The following EFCAB6 variants were observed in gnomAD, a reference collection of about 807,000 sequenced individuals.
EFCAB6 encodes the protein EF-hand calcium binding domain 6, also known as EF-hand calcium-binding domain-containing protein 6.
Under a neutral mutation model 169.8 loss-of-function variants are expected in EFCAB6, and 156 were observed. That is an observed-to-expected ratio of 0.92 (90% confidence interval 0.81 to 1.05). EFCAB6 has a LOEUF of 1.05. Ranked by LOEUF, EFCAB6 falls within the 50% of genes least tolerant of loss-of-function variation. The pLI is 0.00. For missense variants in EFCAB6, 1,800 were observed against 1,829.1 expected (o/e 0.98, Z 0.29); for synonymous variants, 698 against 676.4 (o/e 1.03, Z -0.50).
intron 8 of EFCAB6, among the ~76,000 whole-genome samples, chr22:43,717,482 C>T (rs2059374490): frequency 6.6e-6 from 1 of 151,590 alleles, no homozygotes; most frequent in Admixed American, 6.6e-5. Context: ...ATGAGTAGCT[C>T]TTATGAATCA....
intron 20 of EFCAB6, among the ~76,000 whole-genome samples, chr22:43,623,052 G>A (rs138456800): frequency 1.4e-4 from 22 of 152,194 alleles, no homozygotes; most frequent in Non-Finnish European, 2.8e-4. Flanking sequence ...GAAGAGGAAG[G>A]CATAGAGACA....
chr22:43,667,075 T>G, intron 17 of EFCAB6, 29 bp downstream of exon 17: 1 of 1,603,518 alleles, frequency 6.2e-7, no homozygotes, highest in Non-Finnish European at 8.5e-7. Context: ...TTCTGCAGGA[T>G]AGAAACAAAG....
At chr22:43,547,829 C>T (rs968215067) in intron 27 of EFCAB6, among the ~76,000 whole-genome samples, 9 of 151,608 alleles carry the variant, frequency 5.9e-5, no homozygotes, top group African/African-American at 1.5e-4. Flanking sequence ...TGGTGGCTCA[C>T]GCCTGTAATC....
chr22:43,681,848 T>C (rs1189907245), intron 12 of EFCAB6, among the ~76,000 whole-genome samples: 1 of 152,206 alleles, frequency 6.6e-6, no homozygotes, highest in East Asian at 1.9e-4. Context: ...AAATTCCTTC[T>C]GGATGACTGA....
intron 23 of EFCAB6, among the ~76,000 whole-genome samples, chr22:43,599,233 G>A (rs2052292435): frequency 6.6e-6 from 1 of 152,152 alleles, no homozygotes; most frequent in African/African-American, 2.4e-5. Context: ...TATTCCCTTT[G>A]TTGTCGTTGT....
At chr22:43,670,489 T>C (rs2057441094) in intron 15 of EFCAB6, among the ~76,000 whole-genome samples, 1 of 152,238 alleles carries the variant, frequency 6.6e-6, no homozygotes, top group Non-Finnish European at 1.5e-5. Context: ...CTGTTAGCAC[T>C]GGGGCTGACA....
At chr22:43,756,822 GC>G (rs2060973812) in intron 5 of EFCAB6, among the ~76,000 whole-genome samples, 1 of 152,212 alleles carries the variant, frequency 6.6e-6, no homozygotes, top group Non-Finnish European at 1.5e-5. Context: ...TTGGATAGAG[GC>G]CCACAAGGTG....
chr22:43,634,228 T>C (rs1330013543), intron 18 of EFCAB6, among the ~76,000 whole-genome samples: 1 of 152,226 alleles, frequency 6.6e-6, no homozygotes, highest in Non-Finnish European at 1.5e-5. Flanking sequence ...CTTCTCCTTC[T>C]TATTTTCCTT....
chr22:43,784,600 C>CACATATATATGTGTATATAT (rs2061978710), intron 2 of EFCAB6, among the ~76,000 whole-genome samples: 2 of 78,764 alleles, frequency 2.5e-5, no homozygotes. Flanking sequence ...TGTATATATA[C>CACATATATATGTGTATATAT]ACATATATAT....
intron 3 of EFCAB6, among the ~76,000 whole-genome samples, chr22:43,775,061 T>G (rs1246329217): frequency 6.6e-6 from 1 of 151,850 alleles, no homozygotes; most frequent in Non-Finnish European, 1.5e-5. Context: ...ACTAGCGTGA[T>G]GGTCACAGAG....
intron 6 of EFCAB6, among the ~76,000 whole-genome samples, chr22:43,742,082 T>C (rs2060394681): frequency 1.3e-5 from 2 of 152,110 alleles, no homozygotes; most frequent in African/African-American, 2.4e-5. Flanking sequence ...ATCTTGCCCC[T>C]AGTATCACCT....
chr22:43,641,620 A>AAAG (rs1003892695), intron 17 of EFCAB6, among the ~76,000 whole-genome samples: 1 of 151,630 alleles, frequency 6.6e-6, no homozygotes, highest in African/African-American at 2.4e-5. Context: ...CCATCTCAAA[A>AAAG]AAAAAAAAAA....
chr22:43,586,289 T>C (rs987199809), intron 24 of EFCAB6, among the ~76,000 whole-genome samples: 1 of 148,308 alleles, frequency 6.7e-6, no homozygotes, highest in Non-Finnish European at 1.5e-5. Context: ...TACTTAAAGG[T>C]GGGCTTAGGC....
At chr22:43,728,158 C>T (rs774869456) in intron 8 of EFCAB6, among the ~76,000 whole-genome samples, 1 of 151,948 alleles carries the variant, frequency 6.6e-6, no homozygotes, top group East Asian at 1.9e-4. Flanking sequence ...TGAGAACATG[C>T]GGTGTTTGGT....
chr22:43,744,599 G>A lies in EFCAB6; in HGVS notation c.508-8606C>T, dbSNP rs916714347. On this transcript the variant is annotated intron_variant, in intron 6 of 31. Transcript: ENST00000262726. The surrounding 1 kb of genome is among the most constrained non-coding windows in gnomAD (Gnocchi z 4.3). Reference sequence around the variant, plus strand: ...AAGGGGACCCAAGCAGCCAAAGGAAGTGAGCTGGACCACCAGGAGTGGGAG... The same window carrying A: ...AAGGGGACCCAAGCAGCCAAAGGAAATGAGCTGGACCACCAGGAGTGGGAG... Among the ~76,000 whole-genome samples the A allele has an allele frequency of 6.6e-5, 10 of 152,168 alleles. No homozygotes were observed. Among genetic ancestry groups the A allele is most frequent in the African/African-American group, 2.2e-4 (9 of 41,446 alleles).
Position 43,537,538 on chromosome 22 carries a change from G to T in EFCAB6, c.3887C>A (p.Ala1296Glu), listed in dbSNP as rs780944079. ...AGTGCCCGGGATCACGGTGGTGCTC[G>T]CTGGAGTCTAGCAGGGAAGAAAAGA... ...SKSQSHPCTP[A>E]STTVIPGTPP... The change falls in exon 29 of 32, where the codon GCG becomes GAG. Residue 1296 changes from alanine to glutamate, a missense_variant. Transcript: ENST00000262726. The surrounding 1 kb of genome is among the most constrained non-coding windows in gnomAD (Gnocchi z 4.3). The T allele has an allele frequency of 1.2e-6, 2 of 1,612,946 alleles. No individual in the cohort carries two copies. The highest frequency in any genetic ancestry group is 1.7e-6 in the Non-Finnish European group (2 of 1,179,362).
At chr22:43,671,464 C>A (rs970542087) in intron 15 of EFCAB6, among the ~76,000 whole-genome samples, 7 of 152,096 alleles carry the variant, frequency 4.6e-5, no homozygotes, top group Admixed American at 2.0e-4. Flanking sequence ...GGTTTTAAAA[C>A]GACATGAAAC....
At chr22:43,791,837 C>T (rs891505822) in intron 2 of EFCAB6, among the ~76,000 whole-genome samples, 1 of 152,204 alleles carries the variant, frequency 6.6e-6, no homozygotes, top group African/African-American at 2.4e-5. Context: ...AGTGTGATGA[C>T]TGGTCTCAGG....
intron 17 of EFCAB6, among the ~76,000 whole-genome samples, chr22:43,653,579 G>A (rs560874380): frequency 3.3e-5 from 5 of 152,216 alleles, no homozygotes; most frequent in Non-Finnish European, 7.4e-5. Context: ...AATTAATGAC[G>A]TTTCACAGAA....
Sources: gnomAD v4.1 joint callset for allele counts (sites outside exome capture counted in the v4.1 genomes callset) on GRCh38, gnomAD v4.1.1 for gene constraint, Gnocchi (gnomAD v3.1) non-coding constraint, MANE v1.5 for transcripts, NCBI Gene and HGNC (gene_info 2026-07-23, HGNC 2026-07-21) for gene names.